The following THEMIS variants were observed in gnomAD, a reference collection of about 807,000 sequenced individuals.
THEMIS encodes the protein protein THEMIS.
Under a neutral mutation model 52.6 loss-of-function variants are expected in THEMIS, and 37 were observed. The ratio of observed to expected loss-of-function variants is 0.70; its 90% CI spans 0.54 to 0.93. The LOEUF is 0.93. Among genes scored for constraint, THEMIS ranks in the 40% least tolerant of loss-of-function variants. THEMIS has a pLI of 0.00. For synonymous variants in THEMIS, 292 were observed against 272.7 expected, an observed-to-expected ratio of 1.07 and a Z score of -0.70; for missense variants, 808 against 763.1, an observed-to-expected ratio of 1.06 and a Z score of -0.69.
chr6:127,891,421 A>G (rs1211811865), intron 1 of THEMIS, among the ~76,000 whole-genome samples: 1 of 151,688 alleles, frequency 6.6e-6, no homozygotes, highest in Non-Finnish European at 1.5e-5. Context: ...CTGTAGTCCC[A>G]GCTACTCGTG....
At chr6:127,739,218 A>G (rs1022301638) in intron 4 of THEMIS, among the ~76,000 whole-genome samples, 1 of 152,226 alleles carries the variant, frequency 6.6e-6, no homozygotes, top group African/African-American at 2.4e-5. Context: ...AGAAGAGTCA[A>G]AAGAGAAGCA....
In THEMIS at chr6:127,719,710, G is replaced by A; in HGVS notation, c.1872C>T (p.Asn624=). 6.2e-7 allele frequency: 1 copy of A among 1,611,746 alleles called. No individual in the cohort carries two copies. Among genetic ancestry groups the A allele is most frequent in the Non-Finnish European group, 8.5e-7 (1 of 1,178,710 alleles). The change falls in exon 5 of 6, where the codon AAC becomes AAT. Residue 624 remains asparagine, a synonymous_variant. Transcript: ENST00000368248. ...TACCTGCTATTGCTGTGGCCCCACGGTTGCTCCTTTCTTTCTCTTCATCCA... is the reference window on the plus strand; with the variant it reads ...TACCTGCTATTGCTGTGGCCCCACGATTGCTCCTTTCTTTCTCTTCATCCA... ...DLVDEEKERS[N]RGATAIAETF...
intron 4 of THEMIS, among the ~76,000 whole-genome samples, chr6:127,733,232 T>G (rs1173237281): frequency 6.6e-6 from 1 of 152,246 alleles, no homozygotes; most frequent in Non-Finnish European, 1.5e-5. Context: ...CTTTATATAT[T>G]CTGAACACAA....
At position 127,769,596 on chromosome 6, in the gene THEMIS, G is replaced by T. The variant is rs181382754; in HGVS notation, c.1758+43287C>A. ...TGAAAGTTTTATTTCTGCTCCATTAGACAAAGGCCCTTAAAAATTACCTTT... is the reference window on the plus strand; with the variant it reads ...TGAAAGTTTTATTTCTGCTCCATTATACAAAGGCCCTTAAAAATTACCTTT... On this transcript the variant is annotated intron_variant, in intron 4 of 5. Coordinates refer to ENST00000368248, the MANE Select transcript of THEMIS (RefSeq NM_001010923.3). Among the ~76,000 whole-genome samples the T allele has an allele frequency of 3.6e-4, 55 of 152,076 alleles. 1 individual carries two copies. The highest frequency in any genetic ancestry group is 1.1e-3 in the Admixed American group (17 of 15,262).
intron 1 of THEMIS, among the ~76,000 whole-genome samples, chr6:127,858,496 C>T (rs962228317): frequency 2.6e-5 from 4 of 151,976 alleles, no homozygotes; most frequent in East Asian, 1.9e-4. Context: ...AAGCTTAAGT[C>T]GCTAAAACTG....
chr6:127,706,027 A>T (rs1156823666), downstream of THEMIS, among the ~76,000 whole-genome samples: 1 of 152,132 alleles, frequency 6.6e-6, no homozygotes, highest in Non-Finnish European at 1.5e-5. Flanking sequence ...TAAACCACTG[A>T]ACGAGTATCT....
chr6:127,902,755 C>T (rs1024910810), upstream of THEMIS, among the ~76,000 whole-genome samples: 2 of 151,938 alleles, frequency 1.3e-5, no homozygotes, highest in Admixed American at 6.6e-5. Context: ...CCTTCCATAC[C>T]CCTCCCCACA....
At chr6:127,906,746 A>G (rs1367967607) in intron 1 of THEMIS, among the ~76,000 whole-genome samples, 1 of 152,008 alleles carries the variant, frequency 6.6e-6, no homozygotes, top group Non-Finnish European at 1.5e-5. Flanking sequence ...GCTAAAGAAC[A>G]GAGAAGGACT....
chr6:127,889,014 C>T (rs1250005783), intron 1 of THEMIS, among the ~76,000 whole-genome samples: 2 of 151,988 alleles, frequency 1.3e-5, no homozygotes, highest in Non-Finnish European at 2.9e-5. Flanking sequence ...ATAACAACTT[C>T]AAAATCTCAG....
chr6:127,702,521 C>T, the THEMIS span, among the ~76,000 whole-genome samples: 8 of 152,208 alleles, frequency 5.3e-5, no homozygotes, highest in East Asian at 1.5e-3. Context: ...TTTTTTAACA[C>T]CTCTTTTCCA....
chr6:127,851,291 A>G (rs1779415624), intron 2 of THEMIS, among the ~76,000 whole-genome samples: 1 of 151,584 alleles, frequency 6.6e-6, no homozygotes, highest in Non-Finnish European at 1.5e-5. Flanking sequence ...ACATTCAAGA[A>G]ACTTAATACA....
At chr6:127,890,781 T>C (rs184634318) in intron 1 of THEMIS, among the ~76,000 whole-genome samples, 6 of 152,232 alleles carry the variant, frequency 3.9e-5, no homozygotes, top group Admixed American at 2.6e-4. Context: ...AAAAATAGTG[T>C]ATATTATTAA....
chr6:127,824,604 A>G (rs563739324), intron 3 of THEMIS, among the ~76,000 whole-genome samples: 2 of 152,252 alleles, frequency 1.3e-5, no homozygotes, highest in Admixed American at 1.3e-4. Context: ...AACTTAAAAA[A>G]AAAAGAACCC....
intron 3 of THEMIS, among the ~76,000 whole-genome samples, chr6:127,828,264 ACTAT>A (rs1019027549): frequency 1.3e-5 from 2 of 152,184 alleles, no homozygotes; most frequent in African/African-American, 4.8e-5. Flanking sequence ...ATGAGAAAAT[ACTAT>A]CTATTATTTA....
intron 2 of THEMIS, among the ~76,000 whole-genome samples, chr6:127,847,365 C>T (rs960807828): frequency 6.6e-5 from 10 of 151,818 alleles, no homozygotes; most frequent in African/African-American, 2.4e-4. Flanking sequence ...CCAATGATAT[C>T]ATCGTACATC....
chr6:127,747,419 A>G (rs1023487614), intron 4 of THEMIS, among the ~76,000 whole-genome samples: 11 of 147,346 alleles, frequency 7.5e-5, no homozygotes, highest in African/African-American at 2.5e-4. Flanking sequence ...AGATGTAGAT[A>G]TGAATTATAG....
chr6:127,791,131 C>T (rs761679140), intron 4 of THEMIS, among the ~76,000 whole-genome samples: 11 of 152,208 alleles, frequency 7.2e-5, no homozygotes, highest in African/African-American at 1.2e-4. Context: ...CCCCACCATT[C>T]GGCAGGTCCC....
chr6:127,710,116 G>T, intron 5 of THEMIS, 100 bp from the exon 6 acceptor site: 1 of 703,956 alleles, frequency 1.4e-6, no homozygotes, highest in Non-Finnish European at 2.2e-6. Flanking sequence ...ACATGCATAT[G>T]GTTTTTGAGA....
At chr6:127,812,528 T>C (rs576514789) in intron 4 of THEMIS, among the ~76,000 whole-genome samples, 13 of 152,268 alleles carry the variant, frequency 8.5e-5, no homozygotes, top group African/African-American at 3.1e-4. Flanking sequence ...TATTAAATTT[T>C]ACTTAGAAAA....
Sources: allele counts gnomAD v4.1 joint callset (sites outside exome capture counted in the v4.1 genomes callset), GRCh38; gene constraint gnomAD v4.1.1; transcripts MANE v1.5; gene names NCBI Gene and HGNC (gene_info 2026-07-23, HGNC 2026-07-21).